The following CTPS2 variants were observed in gnomAD, a reference collection of about 807,000 sequenced individuals.
The protein encoded by CTPS2 is CTP synthase II.
Under a neutral mutation model 46.8 loss-of-function variants are expected in CTPS2, and 19 were observed. The ratio of observed to expected loss-of-function variants is 0.41; its 90% CI spans 0.28 to 0.60. CTPS2 has a LOEUF of 0.60. CTPS2 is among the 20% of genes least tolerant of loss of function. The pLI is 0.35. For missense variants in CTPS2, 286 were observed against 447.6 expected (o/e 0.64, Z 3.26); for synonymous variants, 151 against 165.2 (o/e 0.91, Z 0.66).
At chrX:16,656,360 A>G (rs1340103886) in intron 13 of CTPS2, among the ~76,000 whole-genome samples, 1 of 110,291 alleles carries the variant, frequency 9.1e-6, no homozygotes, top group Non-Finnish European at 1.9e-5. Context: ...AGACTGCCAC[A>G]CTATACTTTC....
chrX:16,687,014 AG>A (rs2147346234), intron 8 of CTPS2, among the ~76,000 whole-genome samples: 1 of 111,739 alleles, frequency 8.9e-6, no homozygotes, highest in African/African-American at 3.2e-5. Context: ...AGCCAGGAGA[AG>A]GGGTGTGGCA....
chrX:16,687,166 C>T lies in CTPS2; in HGVS notation c.872+2284G>A, dbSNP rs774659248. On this transcript the variant is annotated intron_variant, in intron 8 of 18. Transcript: ENST00000359276. ...CAGTTAGTGGTCATTGTTATGGCAG[C>T]CCCCAGGAAGCTAATACAAAGACCA... Among the ~76,000 whole-genome samples, 6 of 110,534 alleles carry T rather than the reference C, an allele frequency of 5.4e-5. No individual in the cohort carries two copies. In the South Asian group the frequency reaches 1.9e-3, roughly 35 times the overall value.
intron 4 of CTPS2, among the ~76,000 whole-genome samples, chrX:16,694,180 C>A (rs1923929483): frequency 9.0e-6 from 1 of 111,362 alleles, no homozygotes; most frequent in Non-Finnish European, 1.9e-5. Context: ...AAAACAAAAA[C>A]AAAAAACTAG....
At position 16,704,190 on chromosome X, in the gene CTPS2, G is replaced by A. The variant is rs1259377957; in HGVS notation, c.-39-1249C>T. 6.3e-5 allele frequency among the ~76,000 whole-genome samples: 7 copies of A among 111,404 alleles called. No homozygotes were observed. The East Asian group carries it at 1.4e-3, about 22-fold the overall frequency. On this transcript the variant is annotated intron_variant, in intron 1 of 18. Coordinates refer to ENST00000359276, the MANE Select transcript of CTPS2 (RefSeq NM_175859.3). Reference sequence around the variant, plus strand: ...CTGGTCTCAAGTGACCACCCACCTCGGCCTCCCCAAGTGCTGGGATCACAG... The same window carrying A: ...CTGGTCTCAAGTGACCACCCACCTCAGCCTCCCCAAGTGCTGGGATCACAG...
chrX:16,665,715 C>T (rs752579207), intron 13 of CTPS2, among the ~76,000 whole-genome samples: 1 of 111,447 alleles, frequency 9.0e-6, no homozygotes, highest in Admixed American at 9.6e-5. Flanking sequence ...GGCACAGATC[C>T]GTGAATATGC....
intron 14 of CTPS2, among the ~76,000 whole-genome samples, chrX:16,623,369 T>G (rs1394502196): frequency 1.8e-5 from 2 of 111,713 alleles, no homozygotes; most frequent in African/African-American, 6.5e-5. Flanking sequence ...TCATTCTTTC[T>G]ACTTTTTGAA....
At chrX:16,686,758 G>T (rs967698362) in intron 8 of CTPS2, among the ~76,000 whole-genome samples, 10 of 111,484 alleles carry the variant, frequency 9.0e-5, no homozygotes, top group Non-Finnish European at 1.9e-4. Context: ...ACAAAAATTA[G>T]CCAAGCATGG....
intron 13 of CTPS2, among the ~76,000 whole-genome samples, chrX:16,646,676 C>T (rs1013451689): frequency 8.9e-6 from 1 of 112,299 alleles, no homozygotes; most frequent in African/African-American, 3.2e-5. Flanking sequence ...ATAACAAGAA[C>T]CCATGGATAG....
At chrX:16,683,784 G>C (rs931592814) in intron 8 of CTPS2, among the ~76,000 whole-genome samples, 2 of 112,193 alleles carry the variant, frequency 1.8e-5, no homozygotes, top group African/African-American at 6.5e-5. Flanking sequence ...TGCATTCTGC[G>C]TGTCAGTAGG....
intron 13 of CTPS2, among the ~76,000 whole-genome samples, chrX:16,651,517 C>T (rs1932631089): frequency 8.9e-6 from 1 of 112,068 alleles, no homozygotes; most frequent in South Asian, 3.7e-4. Context: ...TGTTAGCTGG[C>T]CTTGGACAGG....
intron 10 of CTPS2, among the ~76,000 whole-genome samples, chrX:16,674,634 C>A (rs374984831): frequency 7.6e-5 from 8 of 104,709 alleles, no homozygotes; most frequent in East Asian, 3.2e-4. Context: ...GTCAGGAGAT[C>A]GAGACCATCC....
chrX:16,638,786 G>T (rs1279518900), intron 14 of CTPS2: 1 of 374,067 alleles, frequency 2.7e-6, no homozygotes, highest in Admixed American at 2.7e-5. Context: ...CAAATGTAAT[G>T]GAGAGAACTG....
chrX:16,667,225 C>T (rs1363267847), intron 13 of CTPS2, among the ~76,000 whole-genome samples: 1 of 106,271 alleles, frequency 9.4e-6, no homozygotes, highest in African/African-American at 3.4e-5. Flanking sequence ...CTCCACCTCC[C>T]GGGTTCCAGC....
chrX:16,616,597 T>C (rs753390817), intron 16 of CTPS2, among the ~76,000 whole-genome samples: 1 of 111,948 alleles, frequency 8.9e-6, no homozygotes, highest in Non-Finnish European at 1.9e-5. Flanking sequence ...AGAGAGGAGT[T>C]GGTAAGGAAG....
At chrX:16,611,877 G>A (rs1324617472) in intron 16 of CTPS2, among the ~76,000 whole-genome samples, 1 of 112,272 alleles carries the variant, frequency 8.9e-6, no homozygotes, top group African/African-American at 3.2e-5. Context: ...CTCAAGAAAC[G>A]CAGAGAAATC....
chrX:16,629,086 TGA>T (rs906670438), intron 14 of CTPS2, among the ~76,000 whole-genome samples: 2 of 112,172 alleles, frequency 1.8e-5, no homozygotes, highest in Non-Finnish European at 3.8e-5. Flanking sequence ...AGCCAGAGAC[TGA>T]GAGCTGAGGC....
intron 17 of CTPS2, among the ~76,000 whole-genome samples, chrX:16,591,744 C>T (rs1928912850): frequency 9.0e-6 from 1 of 110,904 alleles, no homozygotes; most frequent in Admixed American, 9.6e-5. Flanking sequence ...CATAACACCC[C>T]GGAAGGATTT....
chrX:16,641,542 T>C (rs779047522), intron 13 of CTPS2, among the ~76,000 whole-genome samples: 17 of 112,088 alleles, frequency 1.5e-4, no homozygotes, highest in Middle Eastern at 4.6e-3. Flanking sequence ...GAGCCAGAAG[T>C]TCGAGACCAG....
chrX:16,632,031 C>T (rs934718011), intron 14 of CTPS2, among the ~76,000 whole-genome samples: 2 of 112,002 alleles, frequency 1.8e-5, no homozygotes, highest in African/African-American at 6.5e-5. Flanking sequence ...AAGACTTACC[C>T]ACACTGTGCC....
Sources: gnomAD v4.1 joint callset for allele counts (sites outside exome capture counted in the v4.1 genomes callset) on GRCh38, gnomAD v4.1.1 for gene constraint, MANE v1.5 for transcripts, NCBI Gene and HGNC (gene_info 2026-07-23, HGNC 2026-07-21) for gene names.